The following NELL2 variants were observed in gnomAD, a reference collection of about 807,000 sequenced individuals.
NELL2 encodes the protein protein kinase C-binding protein NELL2.
In NELL2, 41 loss-of-function variants were observed where a neutral mutation model predicts 109.6. The observed-to-expected ratio is 0.37, with a 90% CI of 0.29 to 0.49. NELL2 has a LOEUF of 0.49. Among genes scored for constraint, NELL2 ranks in the 20% least tolerant of loss-of-function variants. The pLI, the probability that NELL2 is intolerant of heterozygous loss-of-function variation, is 0.98. For missense variants in NELL2, 900 were observed against 1,008.3 expected (o/e 0.89, Z 1.45); for synonymous variants, 355 against 344.7 (o/e 1.03, Z -0.33).
intron 15 of NELL2, among the ~76,000 whole-genome samples, chr12:44,587,062 G>T (rs868791864): frequency 6.6e-6 from 1 of 151,688 alleles, no homozygotes; most frequent in African/African-American, 2.4e-5. Flanking sequence ...CATGAGGTCA[G>T]GAGATTGAGA....
At position 44,544,171 on chromosome 12, in the gene NELL2, G is replaced by T. The variant is rs143548149; in HGVS notation, c.1664-11450C>A. On this transcript the variant is annotated intron_variant, in intron 15 of 19. Coordinates refer to ENST00000429094, the MANE Select transcript of NELL2 (RefSeq NM_001145108.2). ...AAATATATTGCTGAAGTCTGAAAAG[G>T]TAACCAATAGAGGAACTGAAACTAG... Among the ~76,000 whole-genome samples, 1,254 of 152,134 alleles carry T rather than the reference G, an allele frequency of 8.2e-3. 13 individuals are homozygous for T. Among genetic ancestry groups the T allele is most frequent in the African/African-American group, 0.023 (940 of 41,518 alleles).
At chr12:44,763,583 T>G (rs906134309) in intron 9 of NELL2, among the ~76,000 whole-genome samples, 2 of 152,184 alleles carry the variant, frequency 1.3e-5, no homozygotes, top group Non-Finnish European at 2.9e-5. Flanking sequence ...TTAAAAAGGC[T>G]TGAATAGGTT....
At chr12:44,886,133 AAGGAAGG>A in intron 1 of NELL2, among the ~76,000 whole-genome samples, 1 of 143,656 alleles carries the variant, frequency 7.0e-6, no homozygotes, top group African/African-American at 2.7e-5. Flanking sequence ...GGAAGGAAGG[AAGGAAGG>A]AAGGAAGAAA....
chr12:44,757,300 A>G (rs10880674), intron 9 of NELL2, among the ~76,000 whole-genome samples: 107,480 of 151,978 alleles, frequency 0.71, 38,214 homozygotes, highest in Non-Finnish European at 0.74. Flanking sequence ...CCCATATCCC[A>G]TCCTGCTTTT....
intron 15 of NELL2, among the ~76,000 whole-genome samples, chr12:44,559,630 T>G (rs1592118402): frequency 6.6e-6 from 1 of 152,328 alleles, no homozygotes; most frequent in East Asian, 1.9e-4. Context: ...AAGAGCTACC[T>G]ATCCTAAATA....
intron 19 of NELL2, among the ~76,000 whole-genome samples, chr12:44,514,464 T>C (rs1046404707): frequency 6.6e-6 from 1 of 151,582 alleles, no homozygotes; most frequent in Non-Finnish European, 1.5e-5. Context: ...CAGAGAGAGA[T>C]AGAGAGAGAG....
intron 12 of NELL2, among the ~76,000 whole-genome samples, chr12:44,675,514 T>C (rs1055152521): frequency 1.5e-4 from 23 of 152,190 alleles, no homozygotes; most frequent in Admixed American, 1.3e-4. Context: ...CTAGAATTTA[T>C]ACATTTATAA....
intron 13 of NELL2, among the ~76,000 whole-genome samples, chr12:44,645,133 A>G (rs1947046353): frequency 6.6e-6 from 1 of 152,182 alleles, no homozygotes; most frequent in Non-Finnish European, 1.5e-5. Flanking sequence ...AGGAAATAAG[A>G]GGTCAATGCG....
chr12:44,816,830 C>T (rs945654714), intron 2 of NELL2, among the ~76,000 whole-genome samples: 1 of 152,176 alleles, frequency 6.6e-6, no homozygotes, highest in African/African-American at 2.4e-5. Flanking sequence ...TCCTGAACTT[C>T]CGCATGTTTT....
At chr12:44,757,193 A>G (rs1240984335) in intron 9 of NELL2, among the ~76,000 whole-genome samples, 1 of 152,182 alleles carries the variant, frequency 6.6e-6, no homozygotes, top group African/African-American at 2.4e-5. Flanking sequence ...TCTCATATAT[A>G]CGAATCCATT....
chr12:44,780,205 TC>T (rs1426707649), intron 3 of NELL2, among the ~76,000 whole-genome samples, 183 bp from the exon 4 acceptor site: 1 of 151,938 alleles, frequency 6.6e-6, no homozygotes, highest in East Asian at 1.9e-4. Context: ...ATATTCAGGA[TC>T]CAAGGAACAA....
At chr12:44,838,220 C>T (rs1254762785) in intron 2 of NELL2, among the ~76,000 whole-genome samples, 3 of 151,982 alleles carry the variant, frequency 2.0e-5, no homozygotes, top group African/African-American at 7.3e-5. Context: ...GGTAATAAAC[C>T]CCAATGAGAA....
chr12:44,669,166 T>C (rs1474490080), intron 12 of NELL2, among the ~76,000 whole-genome samples: 1 of 152,190 alleles, frequency 6.6e-6, no homozygotes, highest in African/African-American at 2.4e-5. Flanking sequence ...TCATACAGAC[T>C]ACAATATTGT....
At chr12:44,528,181 C>G (rs1025355474) in intron 16 of NELL2, among the ~76,000 whole-genome samples, 2 of 139,106 alleles carry the variant, frequency 1.4e-5, no homozygotes, top group Non-Finnish European at 3.1e-5. Context: ...TTCTGATAAT[C>G]TTTATAAATT....
chr12:44,547,153 C>T (rs1024000163), intron 15 of NELL2, among the ~76,000 whole-genome samples: 2 of 152,168 alleles, frequency 1.3e-5, no homozygotes, highest in South Asian at 4.1e-4. Flanking sequence ...TTCTTAGAGG[C>T]AGGTTCCAAC....
intron 9 of NELL2, among the ~76,000 whole-genome samples, chr12:44,727,914 T>A (rs1592410407): frequency 6.6e-6 from 1 of 152,210 alleles, no homozygotes; most frequent in East Asian, 1.9e-4. Context: ...GCAAAAGGGC[T>A]TCCCATAATC....
At chr12:44,544,425 A>C (rs924303413) in intron 15 of NELL2, among the ~76,000 whole-genome samples, 1 of 152,124 alleles carries the variant, frequency 6.6e-6, no homozygotes, top group Non-Finnish European at 1.5e-5. Context: ...GCATGGATAA[A>C]CTTATGTCCT....
At chr12:44,852,921 C>T (rs1264109585) in intron 2 of NELL2, among the ~76,000 whole-genome samples, 1 of 152,088 alleles carries the variant, frequency 6.6e-6, no homozygotes, top group South Asian at 2.1e-4. Context: ...GTAGAGGCAC[C>T]TATGATAAGG....
intron 9 of NELL2, among the ~76,000 whole-genome samples, chr12:44,729,508 T>C (rs1388326091): frequency 6.7e-6 from 1 of 149,460 alleles, no homozygotes. Context: ...CGATCAATAA[T>C]AACTTTAAAA....
Sources: gnomAD v4.1 joint callset for allele counts (sites outside exome capture counted in the v4.1 genomes callset) on GRCh38, gnomAD v4.1.1 for gene constraint, MANE v1.5 for transcripts, NCBI Gene and HGNC (gene_info 2026-07-23, HGNC 2026-07-21) for gene names.